Variants in PPP2R5A observed in about 807,000 individuals in gnomAD.
The protein encoded by PPP2R5A is serine/threonine-protein phosphatase 2A 56 kDa regulatory subunit alpha isoform.
Under a neutral mutation model 64.2 loss-of-function variants are expected in PPP2R5A, and 25 were observed. The observed-to-expected ratio is 0.39, with a 90% CI of 0.28 to 0.54. The LOEUF is 0.54. Ranked by LOEUF, PPP2R5A falls within the 20% of genes least tolerant of loss-of-function variation. The pLI is 0.67. For missense variants in PPP2R5A, 425 were observed against 576.3 expected (o/e 0.74, Z 2.69); for synonymous variants, 198 against 201.2 (o/e 0.98, Z 0.13).
intron 1 of PPP2R5A, among the ~76,000 whole-genome samples, chr1:212,297,220 C>G (rs1045583483): frequency 2.0e-5 from 3 of 147,812 alleles, no homozygotes; most frequent in South Asian, 2.2e-4. Context: ...CCCCTGGGTC[C>G]AAGTGATTCT....
intron 1 of PPP2R5A, among the ~76,000 whole-genome samples, chr1:212,327,069 G>C (rs1659418747): frequency 6.6e-6 from 1 of 152,116 alleles, no homozygotes; most frequent in Non-Finnish European, 1.5e-5. Flanking sequence ...AATTTTACTA[G>C]CTTCCTGCCC....
chr1:212,314,488 C>CAG (rs1659106519), intron 1 of PPP2R5A, among the ~76,000 whole-genome samples: 2 of 151,824 alleles, frequency 1.3e-5, no homozygotes, highest in African/African-American at 4.8e-5. Context: ...CCTCAACCCT[C>CAG]TGGCCTCAAG....
chr1:212,317,311 T>A (rs1042965863), intron 1 of PPP2R5A, among the ~76,000 whole-genome samples: 2 of 147,280 alleles, frequency 1.4e-5, no homozygotes, highest in East Asian at 2.0e-4. Context: ...TTAACTGATA[T>A]GTACTGTGAA....
intron 3 of PPP2R5A, among the ~76,000 whole-genome samples, chr1:212,334,216 A>G (rs1412358848): frequency 6.6e-6 from 1 of 152,204 alleles, no homozygotes; most frequent in Non-Finnish European, 1.5e-5. Flanking sequence ...GCTATTGTGA[A>G]TAGAGCTGTT....
intron 1 of PPP2R5A, among the ~76,000 whole-genome samples, chr1:212,324,759 C>G (rs1048183830): frequency 6.6e-6 from 1 of 152,094 alleles, no homozygotes; most frequent in Non-Finnish European, 1.5e-5. Flanking sequence ...TGCCTGCCAC[C>G]ATGCCCGGCT....
intron 2 of PPP2R5A, among the ~76,000 whole-genome samples, chr1:212,331,971 G>T (rs1659513162): frequency 6.6e-6 from 1 of 152,118 alleles, no homozygotes; most frequent in Non-Finnish European, 1.5e-5. Flanking sequence ...CTGAATATTT[G>T]TTATATACAG....
chr1:212,301,997 T>C, intron 1 of PPP2R5A: 1 of 1,471,238 alleles, frequency 6.8e-7, no homozygotes, highest in Non-Finnish European at 9.1e-7. Flanking sequence ...GGATTAACAA[T>C]GAACAACTTG....
At chr1:212,339,198 A>G (rs1659642476) in intron 3 of PPP2R5A, among the ~76,000 whole-genome samples, 1 of 152,036 alleles carries the variant, frequency 6.6e-6, no homozygotes, top group Non-Finnish European at 1.5e-5. Context: ...TTTTTCTGAG[A>G]TGGAGTTTTG....
At chr1:212,302,784 C>T (rs1167767457) in intron 1 of PPP2R5A, among the ~76,000 whole-genome samples, 1 of 152,182 alleles carries the variant, frequency 6.6e-6, no homozygotes, top group Non-Finnish European at 1.5e-5. Context: ...CATTAATTTA[C>T]TTTCCGTCTC....
intron 1 of PPP2R5A, among the ~76,000 whole-genome samples, chr1:212,293,380 C>A (rs1658637538): frequency 1.3e-5 from 2 of 152,258 alleles, no homozygotes; most frequent in South Asian, 4.1e-4. Flanking sequence ...TGCAATCTTT[C>A]TTTATAAGGA....
chr1:212,341,031 T>C (rs932614830), intron 3 of PPP2R5A, among the ~76,000 whole-genome samples: 17 of 152,232 alleles, frequency 1.1e-4, no homozygotes, highest in South Asian at 2.1e-4. Flanking sequence ...TAAATTGATA[T>C]AGTATTGTTT....
At chr1:212,342,674 A>G (rs1357058238) in intron 4 of PPP2R5A, among the ~76,000 whole-genome samples, 1 of 152,154 alleles carries the variant, frequency 6.6e-6, no homozygotes, top group East Asian at 1.9e-4. Flanking sequence ...TGACGGGGGA[A>G]AAAAGGAGTA....
intron 1 of PPP2R5A, chr1:212,319,605 T>G (rs1193354818): frequency 7.5e-6 from 1 of 133,562 alleles, no homozygotes; most frequent in Non-Finnish European, 1.6e-5. Context: ...ATGTGTTCTT[T>G]TTGTTTTCTT....
intron 8 of PPP2R5A, among the ~76,000 whole-genome samples, chr1:212,355,671 G>GT (rs751508509): frequency 0.023 from 3,382 of 144,544 alleles, 46 homozygotes; most frequent in Non-Finnish European, 0.032. Context: ...AATGATCTGG[G>GT]TTTTTTTTTT....
At chr1:212,331,153 A>G (rs903204808) in intron 2 of PPP2R5A, among the ~76,000 whole-genome samples, 2 of 139,850 alleles carry the variant, frequency 1.4e-5, no homozygotes, top group African/African-American at 2.7e-5. Flanking sequence ...GGGCGACAGA[A>G]TGAGACCTTG....
intron 8 of PPP2R5A, among the ~76,000 whole-genome samples, chr1:212,355,461 A>T (rs1395995250): frequency 6.6e-6 from 1 of 152,178 alleles, no homozygotes; most frequent in Non-Finnish European, 1.5e-5. Context: ...GACAGACTAT[A>T]AAGTAACCTA....
chr1:212,331,325 T>A (rs182047553), intron 2 of PPP2R5A: 2 of 149,612 alleles, frequency 1.3e-5, no homozygotes, highest in South Asian at 2.1e-4. Flanking sequence ...CATGCCCGAT[T>A]AATTTTTTCA....
chr1:212,332,769 A>G (rs975186375), intron 2 of PPP2R5A, among the ~76,000 whole-genome samples: 1 of 152,338 alleles, frequency 6.6e-6, no homozygotes, highest in Middle Eastern at 3.4e-3. Context: ...CCATGTTGGA[A>G]TATGGGAGGA....
At chr1:212,333,978 T>C (rs1659550135) in intron 3 of PPP2R5A, 1 of 159,362 alleles carries the variant, frequency 6.3e-6, no homozygotes, top group Non-Finnish European at 1.4e-5. Context: ...ATCTGCTTTC[T>C]GTCTCTGGAT....
Sources: gnomAD v4.1 joint callset for allele counts (sites outside exome capture counted in the v4.1 genomes callset) on GRCh38, gnomAD v4.1.1 for gene constraint, MANE v1.5 for transcripts, NCBI Gene and HGNC (gene_info 2026-07-23, HGNC 2026-07-21) for gene names.